Variants in PCNX2 observed in about 807,000 individuals in gnomAD.
PCNX2 encodes pecanex-like protein 2.
Under a neutral mutation model 223.8 loss-of-function variants are expected in PCNX2, and 168 were observed. The ratio of observed to expected loss-of-function variants is 0.75; its 90% CI spans 0.66 to 0.85. PCNX2 has a LOEUF of 0.85. PCNX2 is among the 40% of genes least tolerant of loss of function. The probability of loss-of-function intolerance (pLI) is 0.00; values close to 1 mark genes in which losing one functional copy is unlikely to be tolerated. For synonymous variants in PCNX2, 1,006 were observed against 1,052.6 expected, an observed-to-expected ratio of 0.96 and a Z score of 0.86; for missense variants, 2,507 against 2,675.5, an observed-to-expected ratio of 0.94 and a Z score of 1.39.
chr1:233,183,451 AAAG>A (rs1168476497), intron 15 of PCNX2, among the ~76,000 whole-genome samples: 1 of 152,198 alleles, frequency 6.6e-6, no homozygotes, highest in African/African-American at 2.4e-5. Context: ...TTCAGCAAGA[AAAG>A]AAGATGAAGG....
intron 19 of PCNX2, among the ~76,000 whole-genome samples, chr1:233,141,755 ATG>A (rs1677133719): frequency 7.1e-6 from 1 of 141,722 alleles, no homozygotes; most frequent in African/African-American, 2.8e-5. Context: ...ATGGGTATAT[ATG>A]TGTGTGTATA....
In PCNX2 at chr1:233,223,572, C is replaced by T. The variant is rs559624185; in HGVS notation, c.2504+3654G>A. ...AACCCGTCATCTAGGTTTTCAGCCCCGCGTGCATTAGCTATTTGTCCGAAT... is the reference window on the plus strand; with the variant it reads ...AACCCGTCATCTAGGTTTTCAGCCCTGCGTGCATTAGCTATTTGTCCGAAT... On this transcript the variant is annotated intron_variant, in intron 10 of 33. Coordinates refer to ENST00000258229, the MANE Select transcript of PCNX2 (RefSeq NM_014801.4). Among the ~76,000 whole-genome samples the T allele has an allele frequency of 1.3e-4, 20 of 152,234 alleles. No homozygotes were observed. In the East Asian group the frequency reaches 1.7e-3, roughly 13 times the overall value.
intron 23 of PCNX2, among the ~76,000 whole-genome samples, chr1:233,081,943 T>C (rs1396162202): frequency 6.6e-6 from 1 of 152,138 alleles, no homozygotes; most frequent in Non-Finnish European, 1.5e-5. Flanking sequence ...GATGGTGCCT[T>C]CCTTTTAAGG....
At chr1:233,016,817 A>G in intron 27 of PCNX2, 104 bp downstream of exon 27, 2 of 1,480,354 alleles carry the variant, frequency 1.4e-6, no homozygotes, top group Non-Finnish European at 1.8e-6. Context: ...TCTATCCTCT[A>G]TGTTAAAAGT....
intron 26 of PCNX2, among the ~76,000 whole-genome samples, chr1:233,021,974 A>G (rs1293667719): frequency 1.3e-5 from 2 of 152,196 alleles, no homozygotes; most frequent in Non-Finnish European, 1.5e-5. Flanking sequence ...TGGAACCTCC[A>G]AGGCCTCTGT....
the PCNX2 span, among the ~76,000 whole-genome samples, chr1:233,322,596 A>G: frequency 1.3e-5 from 2 of 152,126 alleles, no homozygotes; most frequent in Non-Finnish European, 2.9e-5. Flanking sequence ...CGTTCGACTC[A>G]AGAGAGGGGT....
intron 1 of PCNX2, among the ~76,000 whole-genome samples, chr1:233,280,929 C>T (rs1238843612): frequency 6.6e-6 from 1 of 152,104 alleles, no homozygotes; most frequent in Non-Finnish European, 1.5e-5. Context: ...TACACTGGCA[C>T]ATAAAAAGCA....
chr1:233,061,274 T>C (rs1340299667), intron 23 of PCNX2, among the ~76,000 whole-genome samples: 1 of 152,244 alleles, frequency 6.6e-6, no homozygotes, highest in African/African-American at 2.4e-5. Context: ...ACAGGGGTAC[T>C]GTCTCCTTTA....
At chr1:233,182,041 G>A (rs574014866) in intron 15 of PCNX2, among the ~76,000 whole-genome samples, 46 of 152,268 alleles carry the variant, frequency 3.0e-4, no homozygotes, top group African/African-American at 1.0e-3. Flanking sequence ...CTGTCAAGCC[G>A]GGTAACTCCC....
intron 9 of PCNX2, 84 bp from the exon 10 acceptor site, chr1:233,227,455 C>G (rs1657810909): frequency 8.4e-7 from 1 of 1,192,366 alleles, no homozygotes; most frequent in African/African-American, 1.5e-5. Context: ...TATGTATACA[C>G]ACACACACAT....
chr1:233,163,129 A>G (rs147607622), intron 17 of PCNX2, among the ~76,000 whole-genome samples: 1,359 of 127,102 alleles, frequency 0.011, 24 homozygotes, highest in African/African-American at 0.037. Flanking sequence ...TTTCTTTCCT[A>G]TATTATAATT....
At chr1:233,098,443 A>T (rs1212128800) in intron 21 of PCNX2, among the ~76,000 whole-genome samples, 1 of 152,212 alleles carries the variant, frequency 6.6e-6, no homozygotes, top group East Asian at 1.9e-4. Context: ...TCCAGATATA[A>T]GCACTCTCCT....
At chr1:233,201,280 T>C (rs1413393670) in intron 13 of PCNX2, among the ~76,000 whole-genome samples, 16 of 152,090 alleles carry the variant, frequency 1.1e-4, no homozygotes, top group Non-Finnish European at 2.2e-4. Context: ...GGTGATTTTG[T>C]TGTGATAATT....
rs371382722 is a variant in PCNX2, at chr1:233,019,697, T to G, written c.4606-2543A>C. Among the ~76,000 whole-genome samples the G allele has an allele frequency of 9.9e-5, 15 of 151,270 alleles. No homozygotes were observed. The East Asian group carries it at 2.5e-3, about 26-fold the overall frequency. On this transcript the variant is annotated intron_variant, in intron 26 of 33. Transcript: ENST00000258229. Reference sequence around the variant, plus strand: ...AGCAGTAGCAGCAGCCCAGGAGAGGTTGAGGCAGAGGGGCGAGGGGACAGG... The same window carrying G: ...AGCAGTAGCAGCAGCCCAGGAGAGGGTGAGGCAGAGGGGCGAGGGGACAGG...
intron 9 of PCNX2, among the ~76,000 whole-genome samples, chr1:233,232,520 C>T (rs917619736): frequency 6.6e-6 from 1 of 152,074 alleles, no homozygotes; most frequent in African/African-American, 2.4e-5. Flanking sequence ...AACTTCTGAA[C>T]ATGATAAGTG....
At chr1:233,163,613 C>T (rs917412600) in intron 17 of PCNX2, among the ~76,000 whole-genome samples, 1 of 149,930 alleles carries the variant, frequency 6.7e-6, no homozygotes, top group African/African-American at 2.5e-5. Flanking sequence ...TATATATATC[C>T]CCATAAAACC....
In PCNX2 at chr1:233,014,724, G is replaced by T. The variant is rs181543205; in HGVS notation, c.4893C>A (p.Phe1631Leu). The change falls in exon 28 of 34, where the codon TTC becomes TTA. Residue 1631 changes from phenylalanine (F) to leucine (L), a missense_variant. Transcript: ENST00000258229. Reference sequence around the variant, plus strand: ...CTCTCCTCCCCAGGGTGCACAGGGCGAAGGACAGAGTCACCAAGGGAGAGT... The same window carrying T: ...CTCTCCTCCCCAGGGTGCACAGGGCTAAGGACAGAGTCACCAAGGGAGAGT... ...DEDSPLVTLS[F>L]ALCTLGRRAL... 6.2e-7 allele frequency: 1 copy of T among 1,613,970 alleles called. No individual in the cohort carries two copies. The highest frequency in any genetic ancestry group is 1.3e-5 in the African/African-American group (1 of 75,028).
intron 10 of PCNX2, among the ~76,000 whole-genome samples, chr1:233,218,649 T>C (rs1657177557): frequency 6.6e-6 from 1 of 152,146 alleles, no homozygotes; most frequent in Non-Finnish European, 1.5e-5. Context: ...CCCTGTGAGA[T>C]TTTAGGGTTT....
At chr1:233,298,523 G>T (rs1041570255), upstream of PCNX2, among the ~76,000 whole-genome samples, 5 of 152,188 alleles carry the variant, frequency 3.3e-5, no homozygotes, top group African/African-American at 7.2e-5. Flanking sequence ...CCATGGAGGT[G>T]AGCGTGATCT....
Sources: allele counts gnomAD v4.1 joint callset (sites outside exome capture counted in the v4.1 genomes callset), GRCh38; gene constraint gnomAD v4.1.1; transcripts MANE v1.5; gene names NCBI Gene and HGNC (gene_info 2026-07-23, HGNC 2026-07-21).